The following SCMH1 variants were observed in gnomAD, a reference collection of about 807,000 sequenced individuals.
SCMH1 encodes polycomb protein SCMH1.
SCMH1 carries 37 observed loss-of-function variants against 70.8 expected under a neutral mutation model. The ratio of observed to expected loss-of-function variants is 0.52; its 90% CI spans 0.40 to 0.69. The LOEUF is 0.69. Among genes scored for constraint, SCMH1 ranks in the 30% least tolerant of loss-of-function variants. SCMH1 has a pLI of 0.00. For synonymous variants in SCMH1, 292 were observed against 307.4 expected (o/e 0.95, Z 0.52); for missense variants, 607 against 827.3 (o/e 0.73, Z 3.27).
At chr1:41,075,564 G>T in intron 8 of SCMH1, 113 bp from the exon 9 acceptor site, 1 of 806,832 alleles carries the variant, frequency 1.2e-6, no homozygotes, top group African/African-American at 1.7e-5. Flanking sequence ...CCAAGAAGCT[G>T]GTTTCCTGGC....
intron 12 of SCMH1, among the ~76,000 whole-genome samples, chr1:41,039,914 T>C (rs895055176): frequency 1.3e-5 from 2 of 151,650 alleles, no homozygotes; most frequent in East Asian, 1.9e-4. Flanking sequence ...CTGGAGTGTA[T>C]ACAAATTTTA....
intron 10 of SCMH1, among the ~76,000 whole-genome samples, chr1:41,057,250 TG>T (rs895608701): frequency 2.0e-5 from 3 of 152,026 alleles, no homozygotes; most frequent in African/African-American, 7.2e-5. Flanking sequence ...ATGTTTTTTT[TG>T]TTGTTGTTTT....
chr1:41,043,082 T>C (rs1646420426), intron 12 of SCMH1: 2 of 152,154 alleles, frequency 1.3e-5, no homozygotes, highest in African/African-American at 4.8e-5. Flanking sequence ...TAGCTAATAG[T>C]ATATTAATTA....
At chr1:41,205,734 A>T (rs1174464425) in intron 1 of SCMH1, among the ~76,000 whole-genome samples, 1 of 152,142 alleles carries the variant, frequency 6.6e-6, no homozygotes, top group Non-Finnish European at 1.5e-5. Context: ...TGAAGAGAGG[A>T]GTGGTTCTCC....
At chr1:41,199,363 C>T (rs1439028782) in intron 1 of SCMH1, among the ~76,000 whole-genome samples, 2 of 152,034 alleles carry the variant, frequency 1.3e-5, no homozygotes, top group Admixed American at 6.6e-5. Flanking sequence ...GTTAGTTTTG[C>T]CTGTTTTGAA....
chr1:41,136,479 G>A (rs1164615979), intron 6 of SCMH1, among the ~76,000 whole-genome samples: 7 of 151,344 alleles, frequency 4.6e-5, no homozygotes, highest in African/African-American at 1.5e-4. Context: ...CCAGGTTCAA[G>A]TGATTCTCCT....
chr1:41,148,412 A>G (rs969651976), intron 5 of SCMH1, among the ~76,000 whole-genome samples: 4 of 151,974 alleles, frequency 2.6e-5, no homozygotes, highest in Non-Finnish European at 4.4e-5. Flanking sequence ...ACCTCCTTTA[A>G]CATTTCTTGA....
intron 14 of SCMH1, 58 bp downstream of exon 15, chr1:41,028,526 C>T: frequency 6.2e-7 from 1 of 1,604,536 alleles, no homozygotes; most frequent in Non-Finnish European, 8.5e-7. Flanking sequence ...CGTATTGTCC[C>T]CACCAGGTGA....
At chr1:41,147,986 C>T (rs1194525646) in intron 5 of SCMH1, among the ~76,000 whole-genome samples, 1 of 152,130 alleles carries the variant, frequency 6.6e-6, no homozygotes, top group Non-Finnish European at 1.5e-5. Context: ...CCAATTTCCG[C>T]TTTTTAACAT....
At chr1:41,041,800 A>C (rs1261450781) in intron 12 of SCMH1, among the ~76,000 whole-genome samples, 1 of 152,232 alleles carries the variant, frequency 6.6e-6, no homozygotes, top group Admixed American at 6.5e-5. Flanking sequence ...ACAAGGAACC[A>C]GTGTCATGGG....
intron 1 of SCMH1, among the ~76,000 whole-genome samples, chr1:41,208,475 G>C (rs1044460753): frequency 6.6e-6 from 1 of 150,968 alleles, no homozygotes; most frequent in Non-Finnish European, 1.5e-5. Context: ...CACATATTTG[G>C]AAGTAAAGCA....
chr1:41,168,307 T>C (rs1422260637), intron 2 of SCMH1, among the ~76,000 whole-genome samples: 1 of 152,198 alleles, frequency 6.6e-6, no homozygotes, highest in Non-Finnish European at 1.5e-5. Flanking sequence ...TCTCATAAAC[T>C]ATCTTTAAAC....
At position 41,210,066 on chromosome 1, in the gene SCMH1, T is replaced by A. The variant is rs546498423; in HGVS notation, c.-117-23816A>T. 3.3e-5 allele frequency among the ~76,000 whole-genome samples: 5 copies of A among 151,910 alleles called. No homozygotes were observed. In the South Asian group the frequency reaches 1.0e-3, roughly 32 times the overall value. The stretch of plus-strand genomic sequence containing the variant: ...AATCACAAGCATTCCTATATATCAA[T>A]AACAGACAGAGACCCAAATCATGAG... On this transcript the variant is annotated intron_variant, in intron 1 of 14. Transcript: ENST00000337495.
chr1:41,145,809 C>T (rs2148262938), intron 5 of SCMH1, among the ~76,000 whole-genome samples: 1 of 152,244 alleles, frequency 6.6e-6, no homozygotes, highest in South Asian at 2.1e-4. Flanking sequence ...CCTAGAGCAA[C>T]ACATTACTCA....
intron 2 of SCMH1, among the ~76,000 whole-genome samples, chr1:41,175,635 G>C (rs1418977602): frequency 6.6e-6 from 1 of 152,120 alleles, no homozygotes; most frequent in Admixed American, 6.5e-5. Context: ...ACCTCCAATA[G>C]CTTCATACTC....
intron 6 of SCMH1, among the ~76,000 whole-genome samples, chr1:41,121,078 G>T (rs1429818479): frequency 6.6e-6 from 1 of 152,110 alleles, no homozygotes; most frequent in Non-Finnish European, 1.5e-5. Context: ...ATAACTTTTG[G>T]AAAATTACAA....
At chr1:41,067,880 G>C (rs1346864333) in intron 10 of SCMH1, among the ~76,000 whole-genome samples, 1 of 152,166 alleles carries the variant, frequency 6.6e-6, no homozygotes, top group Non-Finnish European at 1.5e-5. Context: ...TGATGAATGG[G>C]AGACAATGTA....
At chr1:41,152,420 C>A (rs1401208360) in intron 4 of SCMH1, among the ~76,000 whole-genome samples, 2 of 152,148 alleles carry the variant, frequency 1.3e-5, no homozygotes, top group East Asian at 1.9e-4. Flanking sequence ...GGCCTTACAG[C>A]CTCTAAAAGT....
chr1:41,046,533 G>A (rs146314489), exon 12 of SCMH1: 9 of 1,614,204 alleles, frequency 5.6e-6, no homozygotes, highest in East Asian at 2.2e-5. Context: ...TCCAGGAAGC[G>A]GAGGACGTAG....
Sources: allele counts gnomAD v4.1 joint callset (sites outside exome capture counted in the v4.1 genomes callset), GRCh38; gene constraint gnomAD v4.1.1; transcripts MANE v1.5; gene names NCBI Gene and HGNC (gene_info 2026-07-23, HGNC 2026-07-21).